STPG2: variants seen among roughly 807,000 people sequenced by gnomAD.
The protein encoded by STPG2 is sperm tail PG-rich repeat containing 2.
A neutral mutation model predicts 54.2 loss-of-function variants in STPG2; 56 were observed. The observed-to-expected ratio is 1.03, with a 90% confidence interval of 0.83 to 1.29. The LOEUF (loss-of-function observed/expected upper bound fraction) is 1.29, where lower values mean the gene tolerates loss of function less well. Ranked by LOEUF, STPG2 falls within the 50% of genes most tolerant of loss-of-function variation. The pLI, the probability that STPG2 is intolerant of heterozygous loss-of-function variation, is 0.00. For missense variants in STPG2, 596 were observed against 544.9 expected (o/e 1.09, Z -0.93); for synonymous variants, 200 against 181.8 (o/e 1.10, Z -0.81).
At chr4:98,139,797 T>G (rs1377150109) in intron 1 of STPG2, among the ~76,000 whole-genome samples, 2 of 152,220 alleles carry the variant, frequency 1.3e-5, no homozygotes, top group African/African-American at 2.4e-5. Flanking sequence ...ACACGCTCCT[T>G]ACTTCTCTCT....
At chr4:98,092,511 T>G (rs1738722514) in intron 5 of STPG2, among the ~76,000 whole-genome samples, 1 of 151,912 alleles carries the variant, frequency 6.6e-6, no homozygotes, top group Non-Finnish European at 1.5e-5. Flanking sequence ...CTAACAATGA[T>G]AAGGAAGAAA....
chr4:97,477,884 T>TTAAGGA (rs1358083155), intron 4 of STPG2, among the ~76,000 whole-genome samples: 1 of 152,126 alleles, frequency 6.6e-6, no homozygotes, highest in Non-Finnish European at 1.5e-5. Context: ...TATCCCTAGT[T>TTAAGGA]TACATTAATT....
chr4:97,767,772 T>C (rs1726097791), intron 9 of STPG2, among the ~76,000 whole-genome samples: 1 of 152,226 alleles, frequency 6.6e-6, no homozygotes, highest in African/African-American at 2.4e-5. Context: ...ATTTGGCTTT[T>C]TCCTAACAAT....
intron 5 of STPG2, among the ~76,000 whole-genome samples, chr4:97,983,640 C>T (rs1011722565): frequency 6.6e-6 from 1 of 152,194 alleles, no homozygotes; most frequent in Non-Finnish European, 1.5e-5. Context: ...ACACTGTCCT[C>T]TTCCACCTAC....
chr4:97,585,117 A>C lies in STPG2; in HGVS notation c.1321-26000T>G, dbSNP rs1431578140. 4.1e-5 allele frequency among the ~76,000 whole-genome samples: 6 copies of C among 146,770 alleles called. 1 individual carries two copies. Among genetic ancestry groups the C allele is most frequent in the Non-Finnish European group, 7.4e-5 (5 of 67,260 alleles). On this transcript the variant is annotated intron_variant, in intron 10 of 10. Coordinates refer to ENST00000295268, the MANE Select transcript of STPG2 (RefSeq NM_174952.3). The stretch of plus-strand genomic sequence containing the variant: ...AAATATTCTCAAAAAAAAAAAAAAA[A>C]AAAAAAACAAAACTACAAGTTAACA...
At chr4:98,128,810 A>G (rs973383637) in intron 2 of STPG2, among the ~76,000 whole-genome samples, 2 of 152,184 alleles carry the variant, frequency 1.3e-5, no homozygotes, top group East Asian at 3.9e-4. Context: ...GCTCACTGCA[A>G]CCTCTGTCTC....
intron 8 of STPG2, among the ~76,000 whole-genome samples, chr4:97,929,060 T>G (rs574599546): frequency 6.6e-6 from 1 of 152,164 alleles, no homozygotes; most frequent in Non-Finnish European, 1.5e-5. Context: ...GTAGACCCAG[T>G]GTGTACTGTT....
chr4:97,722,031 T>C (rs1213314004), intron 9 of STPG2, among the ~76,000 whole-genome samples: 1 of 151,522 alleles, frequency 6.6e-6, no homozygotes, highest in Non-Finnish European at 1.5e-5. Context: ...TATATCCTGA[T>C]TGCTAATTAT....
At chr4:98,014,600 T>C (rs956597969) in intron 5 of STPG2, among the ~76,000 whole-genome samples, 1 of 152,222 alleles carries the variant, frequency 6.6e-6, no homozygotes, top group Admixed American at 6.5e-5. Context: ...TTGTAGCTAT[T>C]GTTAAATACT....
intron 5 of STPG2, among the ~76,000 whole-genome samples, chr4:98,092,584 G>A (rs957226483): frequency 2.6e-5 from 4 of 151,858 alleles, no homozygotes; most frequent in African/African-American, 9.7e-5. Flanking sequence ...AACACAGAAA[G>A]TTTTAAATTA....
At chr4:98,035,959 A>AG (rs1393248367) in intron 5 of STPG2, among the ~76,000 whole-genome samples, 2 of 147,810 alleles carry the variant, frequency 1.4e-5, no homozygotes, top group African/African-American at 2.5e-5. Flanking sequence ...GGTGGGGGCT[A>AG]GGGGAGGGAT....
chr4:97,904,659 G>A (rs981056183), intron 8 of STPG2, among the ~76,000 whole-genome samples: 29 of 152,294 alleles, frequency 1.9e-4, no homozygotes, highest in Admixed American at 3.9e-4. Context: ...AAATTACTCC[G>A]AGCTATGGGA....
rs1200828907 is a variant in STPG2 at position 97,489,604 on chromosome 4, G to A, written c.462+223095C>T. Among the ~76,000 whole-genome samples, 3 of 151,522 alleles carry A rather than the reference G, an allele frequency of 2.0e-5. No homozygotes were observed. The Admixed American group carries it at 2.0e-4, about 10-fold the overall frequency. On this transcript the variant is annotated intron_variant, in intron 4 of 4. Coordinates refer to the STPG2 transcript ENST00000522676. ...GGACAACCTTTTATTCCTAATGTAA[G>A]CATATTCACCTTGGGAAGAAAAGGG...
chr4:97,515,799 T>A (rs760416945), intron 4 of STPG2, among the ~76,000 whole-genome samples: 3 of 152,082 alleles, frequency 2.0e-5, no homozygotes. Flanking sequence ...CATATACTTA[T>A]GTGTGTATGT....
chr4:97,708,013 A>C (rs941782655), intron 10 of STPG2, among the ~76,000 whole-genome samples: 1 of 152,084 alleles, frequency 6.6e-6, no homozygotes, highest in African/African-American at 2.4e-5. Context: ...GGTTATGTTG[A>C]AATTCAAATA....
At chr4:98,139,005 A>G (rs923049260) in intron 1 of STPG2, among the ~76,000 whole-genome samples, 1 of 152,186 alleles carries the variant, frequency 6.6e-6, no homozygotes, top group African/African-American at 2.4e-5. Context: ...ATCACATTAT[A>G]CTAGGCTGGT....
chr4:97,494,760 G>A (rs771204122), intron 4 of STPG2, among the ~76,000 whole-genome samples: 4 of 151,330 alleles, frequency 2.6e-5, no homozygotes, highest in African/African-American at 4.8e-5. Flanking sequence ...GAATATTTAT[G>A]ACCAGGAAGC....
chr4:97,816,753 TTTCTTTTTC>T (rs1477786373), intron 9 of STPG2, among the ~76,000 whole-genome samples: 1 of 151,194 alleles, frequency 6.6e-6, no homozygotes, highest in African/African-American at 2.4e-5. Context: ...CCTTTCTTTC[TTTCTTTTTC>T]TTTTCTTTTC....
At chr4:97,861,445 A>G (rs1318753743) in intron 8 of STPG2, among the ~76,000 whole-genome samples, 3 of 152,102 alleles carry the variant, frequency 2.0e-5, no homozygotes, top group African/African-American at 7.2e-5. Context: ...GGTTCCTAAA[A>G]AGTACTAAAA....
Sources: allele counts gnomAD v4.1 joint callset (sites outside exome capture counted in the v4.1 genomes callset), GRCh38; gene constraint gnomAD v4.1.1; transcripts MANE v1.5; gene names NCBI Gene and HGNC (gene_info 2026-07-23, HGNC 2026-07-21).